Variants in TRIM33 observed in about 807,000 individuals in gnomAD.
The protein encoded by TRIM33 is E3 ubiquitin-protein ligase TRIM33.
TRIM33 carries 20 observed loss-of-function variants against 125.4 expected under a neutral mutation model. The ratio of observed to expected loss-of-function variants is 0.16; its 90% CI spans 0.11 to 0.23. The LOEUF (loss-of-function observed/expected upper bound fraction) is 0.23. TRIM33 is among the 10% of genes least tolerant of loss of function. TRIM33 has a pLI of 1.00. For synonymous variants in TRIM33, 564 were observed against 513.9 expected, an observed-to-expected ratio of 1.10 and a Z score of -1.32; for missense variants, 920 against 1,411.4, an observed-to-expected ratio of 0.65 and a Z score of 5.58.
At chr1:114,447,749 G>A (rs1362264810) in intron 4 of TRIM33, among the ~76,000 whole-genome samples, 1 of 152,178 alleles carries the variant, frequency 6.6e-6, no homozygotes, top group Non-Finnish European at 1.5e-5. Flanking sequence ...AAAACAATGT[G>A]TTCTTCTGGT....
chr1:114,490,999 G>A (rs184663489), intron 1 of TRIM33, among the ~76,000 whole-genome samples: 133 of 152,214 alleles, frequency 8.7e-4, no homozygotes, highest in Admixed American at 3.9e-3. Flanking sequence ...GCCTAAGTCT[G>A]GGGGGAATGG....
intron 16 of TRIM33, 151 bp downstream of exon 16, chr1:114,402,609 G>A (rs190206984): frequency 1.7e-5 from 15 of 888,294 alleles, no homozygotes; most frequent in Non-Finnish European, 2.3e-5. Flanking sequence ...AGGAAAAAAA[G>A]ACTTCAGAAA....
At chr1:114,413,084 T>G (rs1451973671) in intron 11 of TRIM33, among the ~76,000 whole-genome samples, 5 of 152,260 alleles carry the variant, frequency 3.3e-5, no homozygotes, top group African/African-American at 1.2e-4. Flanking sequence ...ACTGTGGTTT[T>G]AACTTGCATT....
intron 1 of TRIM33, among the ~76,000 whole-genome samples, chr1:114,487,163 AT>A (rs951805250): frequency 6.6e-6 from 1 of 151,998 alleles, no homozygotes; most frequent in Non-Finnish European, 1.5e-5. Flanking sequence ...AAACCTACAT[AT>A]AAAAAAACTG....
chr1:114,443,821 C>T (rs1324546379), intron 4 of TRIM33, among the ~76,000 whole-genome samples: 2 of 151,274 alleles, frequency 1.3e-5, no homozygotes, highest in African/African-American at 4.9e-5. Context: ...TCACTTGAGG[C>T]CAGGAGTTCG....
intron 1 of TRIM33, among the ~76,000 whole-genome samples, chr1:114,508,991 C>T (rs1653170458): frequency 1.3e-5 from 2 of 152,210 alleles, no homozygotes; most frequent in South Asian, 2.1e-4. Flanking sequence ...AACCAAAATG[C>T]TTCATTCTGT....
chr1:114,488,571 C>T (rs1211669431), intron 1 of TRIM33, among the ~76,000 whole-genome samples: 1 of 152,076 alleles, frequency 6.6e-6, no homozygotes. Flanking sequence ...CAAGACCAGC[C>T]TGGGCAACAA....
chr1:114,396,083 G>GA lies in TRIM33; in HGVS notation c.*1564dup. On this transcript the variant is annotated 3_prime_UTR_variant, in exon 20 of 20. Coordinates refer to ENST00000358465, the MANE Select transcript of TRIM33 (RefSeq NM_015906.4). ...ATTTGCCACAAATCTGCTGACTTCT[G>GA]AAAAATATCTAACAGCAAATTCTTC... is the stretch of plus-strand genomic sequence containing the variant. 1 of 200,698 alleles carries GA rather than the reference G, an allele frequency of 5.0e-6. No individual in the cohort carries two copies. The highest frequency in any genetic ancestry group is 1.0e-5 in the Non-Finnish European group (1 of 97,360). 12.4% of individuals were successfully genotyped at this position (200,698 alleles called of 1,614,324 possible).
In TRIM33 at chr1:114,394,699, T is replaced by C. The variant is rs1651451256; in HGVS notation, c.*2949A>G. 5.0e-6 allele frequency: 1 copy of C among 201,124 alleles called. No individual in the cohort carries two copies. Among genetic ancestry groups the C allele is most frequent in the Non-Finnish European group, 1.0e-5 (1 of 97,562 alleles). 12.5% of individuals were successfully genotyped at this position (201,124 alleles called of 1,614,324 possible). A position where few individuals can be genotyped will look rare whatever the true frequency, so the allele number is the denominator to read the frequency against. ...TCATTTCTCTGTAGTAATGGTTTGATGTTTCCATATAGAGCACGACCTACA... is the reference window on the plus strand; with the variant it reads ...TCATTTCTCTGTAGTAATGGTTTGACGTTTCCATATAGAGCACGACCTACA... On this transcript the variant is annotated 3_prime_UTR_variant, in exon 20 of 20. Coordinates refer to ENST00000358465, the MANE Select transcript of TRIM33 (RefSeq NM_015906.4).
At chr1:114,485,768 C>G (rs961876876) in intron 1 of TRIM33, among the ~76,000 whole-genome samples, 2 of 152,072 alleles carry the variant, frequency 1.3e-5, no homozygotes, top group Non-Finnish European at 2.9e-5. Context: ...AGTAGAAAGA[C>G]TGCTGGAAAA....
Position 114,510,929 on chromosome 1 carries a change from CT to C in TRIM33, c.147del (p.Gly50AlafsTer129). 1 of 1,420,278 alleles carries C rather than the reference CT, an allele frequency of 7.0e-7. No individual in the cohort carries two copies. The highest frequency in any genetic ancestry group is 1.4e-5 in the South Asian group (1 of 68,996). The allele number at this position is 1,420,278 out of a possible 1,614,324, so 88.0% of individuals were successfully genotyped here. On this transcript the variant is annotated frameshift_variant, in exon 1 of 20. Transcript: ENST00000358465. LOFTEE classifies it high-confidence loss of function. ...CCGCCCTCAGCGCCGGCCCTGCCGC[CT>C]TCCTCCTCCTCCTCCTCCACCAGCA... ...TAVLVEEEEE[E>X]GGRAGAEGGA... is the part of the protein sequence containing the mutation.
chr1:114,447,155 A>G (rs1359329248), intron 4 of TRIM33, among the ~76,000 whole-genome samples: 1 of 152,218 alleles, frequency 6.6e-6, no homozygotes, highest in Non-Finnish European at 1.5e-5. Flanking sequence ...TCACTCTAGC[A>G]GTTGTATTAA....
In TRIM33 at chr1:114,483,707, C is replaced by T. The variant is rs57684427; in HGVS notation, c.527-19319G>A. Among the ~76,000 whole-genome samples, 83 of 152,212 alleles carry T rather than the reference C, an allele frequency of 5.5e-4. No individual in the cohort carries two copies. In the East Asian group the frequency reaches 0.015, roughly 27 times the overall value. The stretch of plus-strand genomic sequence containing the variant: ...GGATTACAGTGTGAGCCACCGTGCC[C>T]GGCCCCAGTTGGTTTTAATGGTGAA... On this transcript the variant is annotated intron_variant, in intron 1 of 19. Transcript: ENST00000358465.
chr1:114,446,008 T>C (rs11588220), intron 4 of TRIM33, among the ~76,000 whole-genome samples: 53,598 of 151,858 alleles, frequency 0.35, 10,130 homozygotes, highest in African/African-American at 0.46. Context: ...CAGGCACATG[T>C]TCCCACGCCC....
At chr1:114,491,804 AAAAT>A (rs1282978429) in intron 1 of TRIM33, among the ~76,000 whole-genome samples, 3 of 152,270 alleles carry the variant, frequency 2.0e-5, no homozygotes, top group Admixed American at 2.0e-4. Context: ...ACCCTGTCTC[AAAAT>A]AAATAAATAA....
At position 114,408,266 on chromosome 1, in the gene TRIM33, G is replaced by C. The variant is rs570253242; in HGVS notation, c.2258+411C>G. Among the ~76,000 whole-genome samples, 12 of 152,274 alleles carry C rather than the reference G, an allele frequency of 7.9e-5. No homozygotes were observed. The South Asian group carries it at 1.2e-3, about 16-fold the overall frequency. On this transcript the variant is annotated intron_variant, in intron 13 of 19. Coordinates refer to ENST00000358465, the MANE Select transcript of TRIM33 (RefSeq NM_015906.4). ...ACAAATAAACTGATGGCAATGTATA[G>C]AGCTTATTTGCATCTGATTCAAAGA...
intron 4 of TRIM33, among the ~76,000 whole-genome samples, chr1:114,439,304 T>C (rs1409563646): frequency 6.6e-6 from 1 of 151,612 alleles, no homozygotes; most frequent in Non-Finnish European, 1.5e-5. Flanking sequence ...AAACCCCGTC[T>C]CTACTAAAAA....
intron 1 of TRIM33, among the ~76,000 whole-genome samples, chr1:114,472,327 A>ATTATTAG (rs1247503067): frequency 6.6e-6 from 1 of 152,250 alleles, no homozygotes; most frequent in Admixed American, 6.5e-5. Flanking sequence ...TAATTAAGGA[A>ATTATTAG]CAATACTGTG....
chr1:114,445,026 G>A (rs1648888922), intron 4 of TRIM33, among the ~76,000 whole-genome samples: 1 of 152,142 alleles, frequency 6.6e-6, no homozygotes, highest in Admixed American at 6.5e-5. Context: ...TACAATAACT[G>A]AAATGAAAAA....
Sources: gnomAD v4.1 joint callset for allele counts (sites outside exome capture counted in the v4.1 genomes callset) on GRCh38, gnomAD v4.1.1 for gene constraint, MANE v1.5 for transcripts, NCBI Gene and HGNC (gene_info 2026-07-23, HGNC 2026-07-21) for gene names.